The following ITGB4 variants were observed in gnomAD, a reference collection of about 807,000 sequenced individuals.
The protein encoded by ITGB4 is integrin subunit beta 4, also known as integrin beta-4.
Under a neutral mutation model 207.6 loss-of-function variants are expected in ITGB4, and 159 were observed. That is an observed-to-expected ratio of 0.77 (90% CI 0.67 to 0.87). The LOEUF (loss-of-function observed/expected upper bound fraction) is 0.87. ITGB4 is among the 40% of genes least tolerant of loss of function. The pLI is 0.00. For synonymous variants in ITGB4, 1,020 were observed against 1,062.7 expected, an observed-to-expected ratio of 0.96 and a Z score of 0.78; for missense variants, 2,278 against 2,546.8, an observed-to-expected ratio of 0.89 and a Z score of 2.27.
At chr17:75,723,355 G>A (rs952771184) in intron 1 of ITGB4, among the ~76,000 whole-genome samples, 21 of 152,230 alleles carry the variant, frequency 1.4e-4, no homozygotes, top group Non-Finnish European at 2.9e-4. Flanking sequence ...CAGGGACAGT[G>A]GGAGGAAGAG....
At chr17:75,743,667 G>A (rs779207756) in intron 25 of ITGB4, 46 bp from the exon 26 acceptor site, 3 of 1,612,988 alleles carry the variant, frequency 1.9e-6, no homozygotes, top group Non-Finnish European at 1.7e-6. Context: ...GAGGTGGGAA[G>A]GGACTGGGCC....
chr17:75,754,860 C>A (rs780529236), intron 34 of ITGB4, 45 bp downstream of exon 34: 1 of 1,613,222 alleles, frequency 6.2e-7, no homozygotes, highest in Non-Finnish European at 8.5e-7. Flanking sequence ...AACCCTTCCT[C>A]TCTTCCAGCT....
intron 26 of ITGB4, 66 bp from the exon 27 acceptor site, chr17:75,748,775 C>T (rs1014373468): frequency 9.9e-6 from 12 of 1,206,198 alleles, no homozygotes; most frequent in East Asian, 5.0e-5. Flanking sequence ...TGGGAGGGAG[C>T]GTGTGGCCAT....
intron 39 of ITGB4, 32 bp downstream of exon 39, chr17:75,757,342 T>C: frequency 1.9e-6 from 3 of 1,612,340 alleles, no homozygotes; most frequent in Non-Finnish European, 2.5e-6. Flanking sequence ...ATCCCGGCTC[T>C]CCTGGGACAG....
At position 75,721,567 on chromosome 17, in the gene ITGB4, G is replaced by A. The variant is rs1391556124; in HGVS notation, c.-56G>A. Reference sequence around the variant, plus strand: ...GAGGGAGCGAGTCCGCCCCGAGGTAGGTCCAGGACGGGCGCACAGCAGCAG... The same window carrying A: ...GAGGGAGCGAGTCCGCCCCGAGGTAAGTCCAGGACGGGCGCACAGCAGCAG... On this transcript the variant is annotated 5_prime_UTR_variant, in exon 1 of 40. Coordinates refer to ENST00000200181, the MANE Select transcript of ITGB4 (RefSeq NM_000213.5). 1 of 152,178 alleles carries A rather than the reference G, an allele frequency of 6.6e-6. No homozygotes were observed. Among genetic ancestry groups the A allele is most frequent in the Non-Finnish European group, 1.5e-5 (1 of 68,068 alleles). 9.4% of individuals were successfully genotyped at this position (152,178 alleles called of 1,614,324 possible).
intron 16 of ITGB4, 83 bp downstream of exon 16, chr17:75,736,777 G>A (rs1219804501): frequency 8.2e-6 from 12 of 1,467,648 alleles, no homozygotes; most frequent in South Asian, 2.4e-5. Context: ...TCACCTGGAC[G>A]GGGGCTTGCA....
At position 75,737,323 on chromosome 17, in the gene ITGB4, C is replaced by T. The variant is rs1309086244; in HGVS notation, c.1992C>T (p.Ala664=). ...CCTGCTGACTGGCTGTGGGTACAGC[C>T]GAGGAGGTGGTGGTGCGCTGCTCCT... ...KVKMVDELKR[A]EEVVVRCSFR... is the part of the protein sequence containing the mutation. The change falls in exon 17 of 40, where the codon GCC becomes GCT. Residue 664 remains alanine (A), a splice_region_variant and synonymous_variant. Transcript: ENST00000200181. 2.5e-6 allele frequency: 4 copies of T among 1,590,158 alleles called. No individual in the cohort carries two copies. The highest frequency in any genetic ancestry group is 4.6e-5 in the East Asian group (2 of 43,318).
chr17:75,740,774 C>A lies in ITGB4; in HGVS notation c.2551-19C>A. The A allele has an allele frequency of 6.2e-7, 1 of 1,612,422 alleles. No homozygotes were observed. Among genetic ancestry groups the A allele is most frequent in the East Asian group, 2.2e-5 (1 of 44,882 alleles). Reference sequence around the variant, plus strand: ...GGGGTGGCCTAGGCCCAGCCTCACGCCCCTCCCTTGCCTGGCAGCTGAACG... The same window carrying A: ...GGGGTGGCCTAGGCCCAGCCTCACGACCCTCCCTTGCCTGGCAGCTGAACG... On this transcript the variant is annotated intron_variant, in intron 21 of 39. Transcript: ENST00000200181. The surrounding 1 kb of genome is among the most constrained non-coding windows in gnomAD (Gnocchi z 5.9).
Position 75,730,485 on chromosome 17 carries a change from ACTC to A in ITGB4, c.986_988del (p.Ser329del). 8 of 1,612,984 alleles carry A rather than the reference ACTC, an allele frequency of 5.0e-6. No homozygotes were observed. Among genetic ancestry groups the A allele is most frequent in the Non-Finnish European group, 6.8e-6 (8 of 1,179,826 alleles). On this transcript the variant is annotated inframe_deletion, in exon 8 of 40. Transcript: ENST00000200181. ...ATCCCCATCTTTGCTGTCACCAACTACTCCTATAGCTACTACGAGGTGCGGGGC... is the reference window on the plus strand; with the variant it reads ...ATCCCCATCTTTGCTGTCACCAACTACTATAGCTACTACGAGGTGCGGGGC...
In ITGB4 at chr17:75,740,243, C is replaced by T; in HGVS notation, c.2447-115C>T. 1 of 1,248,708 alleles carries T rather than the reference C, an allele frequency of 8.0e-7. No homozygotes were observed. Among genetic ancestry groups the T allele is most frequent in the Non-Finnish European group, 1.1e-6 (1 of 877,866 alleles). The allele number at this position is 1,248,708 out of a possible 1,614,324, so 77.4% of individuals were successfully genotyped here. On this transcript the variant is annotated intron_variant, in intron 20 of 39. Transcript: ENST00000200181. The surrounding 1 kb of genome is among the most constrained non-coding windows in gnomAD (Gnocchi z 5.9). ...AACCTCATGCCTCGGTGTGCGTGGC[C>T]TGCTGGCCAGGCATCCCCTGATCCT...
chr17:75,730,835 T>G, intron 8 of ITGB4, 40 bp from the exon 9 acceptor site: 102 of 1,498,204 alleles, frequency 6.8e-5, no homozygotes, highest in Non-Finnish European at 9.0e-5. Context: ...TTCAGATTCA[T>G]GGAGATGCTT....
intron 30 of ITGB4, among the ~76,000 whole-genome samples, chr17:75,751,375 C>T (rs1356743502): frequency 1.3e-5 from 2 of 152,216 alleles, no homozygotes; most frequent in Non-Finnish European, 2.9e-5. Context: ...GGGTACCCCT[C>T]CCCATGCAGG....
chr17:75,752,027 C>T lies in ITGB4; in HGVS notation c.3794-147C>T, dbSNP rs820391. The T allele has an allele frequency of 0.42, 357,500 of 855,400 alleles. 77,571 individuals carry two copies. Among genetic ancestry groups the T allele is most frequent in the Admixed American group, 0.44 (26,017 of 58,824 alleles). 53.0% of individuals were successfully genotyped at this position (855,400 alleles called of 1,614,324 possible). A position where few individuals can be genotyped will look rare whatever the true frequency, so the allele number is the denominator to read the frequency against. On this transcript the variant is annotated intron_variant, in intron 30 of 39. Coordinates refer to ENST00000200181, the MANE Select transcript of ITGB4 (RefSeq NM_000213.5). ...ATGCTGACGCTCAGGGCTCCGCAGG[C>T]GGCAATTCAGCAGTGGCTGGCTTTG...
chr17:75,757,665 C>T lies in ITGB4; in HGVS notation c.*110C>T. On this transcript the variant is annotated 3_prime_UTR_variant, in exon 40 of 40. Transcript: ENST00000200181. ...CACCCCTGGGGGCCCAGCCCACCCG[C>T]ATGCACAGAGCAGGGGCTAGGTGTC... The T allele has an allele frequency of 6.9e-7, 1 of 1,459,420 alleles. No individual in the cohort carries two copies. Among genetic ancestry groups the T allele is most frequent in the Non-Finnish European group, 9.6e-7 (1 of 1,044,940 alleles). 90.4% of individuals were successfully genotyped at this position (1,459,420 alleles called of 1,614,324 possible). A position where few individuals can be genotyped will look rare whatever the true frequency, so the allele number is the denominator to read the frequency against.
rs375646031 is a variant in ITGB4, at chr17:75,724,864, T to G, written c.79+82T>G. ...TTGCCCTTGCACGGGGATCTCACGG[T>G]GTCTCACCTAAACACGCTTGGCCAT... On this transcript the variant is annotated intron_variant, in intron 2 of 39. Coordinates refer to ENST00000200181, the MANE Select transcript of ITGB4 (RefSeq NM_000213.5). The G allele has an allele frequency of 6.6e-5, 78 of 1,186,428 alleles. 1 individual carries two copies. The African/African-American group carries it at 9.6e-4, about 15-fold the overall frequency. The allele number at this position is 1,186,428 out of a possible 1,614,324, so 73.5% of individuals were successfully genotyped here. A position where few individuals can be genotyped will look rare whatever the true frequency, so the allele number is the denominator to read the frequency against.
Position 75,752,217 on chromosome 17 carries a change from G to C in ITGB4, c.3837G>C (p.Lys1279Asn). Residue 1279 changes from lysine (K) to asparagine (N), a missense_variant, in exon 31 of 40, where the codon AAG (lysine) becomes AAC (asparagine). Lys to Asn is a moderately conservative substitution (Grantham distance 94). Transcript: ENST00000200181. ...AGAAAGTGCTGGTTGACAACCCTAA[G>C]AACCGGATGCTGCTTATTGAGAACC... ...PMKKVLVDNP[K>N]NRMLLIENLR... The C allele has an allele frequency of 1.2e-6, 2 of 1,613,934 alleles. No individual in the cohort carries two copies.
At chr17:75,734,582 A>G (rs1871009457) in intron 13 of ITGB4, among the ~76,000 whole-genome samples, 1 of 152,216 alleles carries the variant, frequency 6.6e-6, no homozygotes, top group Admixed American at 6.5e-5. Context: ...ACAAGGGGAC[A>G]TAGGGAAGGA....
Position 75,750,597 on chromosome 17 carries a change from G to GT in ITGB4, c.3475-82dup. 1 of 1,266,526 alleles carries GT rather than the reference G, an allele frequency of 7.9e-7. No individual in the cohort carries two copies. The highest frequency in any genetic ancestry group is 1.9e-5 in the Admixed American group (1 of 53,044). The allele number at this position is 1,266,526 out of a possible 1,614,324, so 78.5% of individuals were successfully genotyped here. A position where few individuals can be genotyped will look rare whatever the true frequency, so the allele number is the denominator to read the frequency against. Reference sequence around the variant, plus strand: ...GGGCCTCATCTGTGCAAAGAGGACAGTAAGGGCAGAGGTCAGAGGAGGGAC... The same window carrying GT: ...GGGCCTCATCTGTGCAAAGAGGACAGTTAAGGGCAGAGGTCAGAGGAGGGAC... On this transcript the variant is annotated intron_variant, in intron 28 of 39. Coordinates refer to ENST00000200181, the MANE Select transcript of ITGB4 (RefSeq NM_000213.5). This position sits in a 1 kb window ranked among gnomAD's most constrained non-coding sequence, Gnocchi z 5.5.
chr17:75,741,440 GGA>G (rs1599268707), intron 23 of ITGB4, among the ~76,000 whole-genome samples: 1 of 152,098 alleles, frequency 6.6e-6, no homozygotes, highest in African/African-American at 2.4e-5. Flanking sequence ...CCCTTCATGG[GGA>G]GAGAGAGGGA....
Sources: allele counts gnomAD v4.1 joint callset (sites outside exome capture counted in the v4.1 genomes callset), GRCh38; gene constraint gnomAD v4.1.1; non-coding constraint Gnocchi (gnomAD v3.1); transcripts MANE v1.5; gene names NCBI Gene and HGNC (gene_info 2026-07-23, HGNC 2026-07-21).